Variants in CCR5AS observed in about 807,000 individuals in gnomAD.
The protein encoded by CCR5AS is CCR5 antisense RNA.
intron 2 of CCR5AS, among the ~76,000 whole-genome samples, chr3:46,380,588 G>C (rs1204085781): frequency 6.6e-6 from 1 of 152,158 alleles, no homozygotes; most frequent in South Asian, 2.1e-4. Context: ...TGATGTCGTG[G>C]GTCTGGAGTG....
At chr3:46,376,947 G>A (rs567693221) in intron 2 of CCR5AS, among the ~76,000 whole-genome samples, 2 of 152,286 alleles carry the variant, frequency 1.3e-5, no homozygotes, top group African/African-American at 4.8e-5. Flanking sequence ...GACTAGAAGG[G>A]CAGCTTGTCC....
Position 46,404,249 on chromosome 3 carries a change from T to C in CCR5AS, n.163+2648A>G, listed in dbSNP as rs147902811. 2.8e-3 allele frequency among the ~76,000 whole-genome samples: 422 copies of C among 151,074 alleles called. 3 individuals are homozygous for C. The highest frequency in any genetic ancestry group is 4.4e-3 in the Admixed American group (67 of 15,172). ...AGAATGAGACAATGATCATGAACTA[T>C]TGGACCCAACCATTTGTGGCTTTAG... On this transcript the variant is annotated intron_variant and non_coding_transcript_variant, in intron 1 of 3. Coordinates refer to ENST00000451485, the Ensembl canonical transcript of CCR5AS.
At chr3:46,388,988 G>T (rs775685745) in intron 2 of CCR5AS, among the ~76,000 whole-genome samples, 1 of 152,162 alleles carries the variant, frequency 6.6e-6, no homozygotes, top group African/African-American at 2.4e-5. Flanking sequence ...GTGTAAACTG[G>T]CAGTGTAAAC....
At chr3:46,373,769 C>G (rs149622978) in intron 2 of CCR5AS, 2 of 1,613,582 alleles carry the variant, frequency 1.2e-6, no homozygotes, top group South Asian at 1.1e-5. Flanking sequence ...GGATGACGCA[C>G]TGCTGCATCA....
intron 1 of CCR5AS, among the ~76,000 whole-genome samples, chr3:46,401,757 A>T (rs1702008034): frequency 6.7e-6 from 1 of 149,480 alleles, no homozygotes; most frequent in Admixed American, 6.7e-5. Flanking sequence ...ATTTATTATT[A>T]ATTTAATTAA....
intron 2 of CCR5AS, among the ~76,000 whole-genome samples, chr3:46,390,826 T>C (rs1015929972): frequency 6.6e-6 from 1 of 152,200 alleles, no homozygotes; most frequent in Non-Finnish European, 1.5e-5. Flanking sequence ...GGGGGAGTTT[T>C]AAGCGGTTTA....
chr3:46,387,863 T>C (rs932596303), intron 2 of CCR5AS, among the ~76,000 whole-genome samples: 1 of 152,016 alleles, frequency 6.6e-6, no homozygotes, highest in Non-Finnish European at 1.5e-5. Context: ...AAGGGGGTTG[T>C]CCTCTTGCGG....
Position 46,379,127 on chromosome 3 carries a change from C to G in CCR5AS, n.392-7710G>C, listed in dbSNP as rs181392199. On this transcript the variant is annotated intron_variant and non_coding_transcript_variant, in intron 2 of 3. Transcript: ENST00000451485. ...TGCTGGTGCGCTGCACCCACTAACT[C>G]GTCATCTAGCATTAGGTATATCTCC... 5.1e-3 allele frequency among the ~76,000 whole-genome samples: 757 copies of G among 148,966 alleles called. 7 individuals are homozygous for G. The highest frequency in any genetic ancestry group is 8.5e-3 in the Non-Finnish European group (572 of 67,290).
At chr3:46,405,948 T>A (rs1702042591) in intron 1 of CCR5AS, among the ~76,000 whole-genome samples, 1 of 151,082 alleles carries the variant, frequency 6.6e-6, no homozygotes, top group African/African-American at 2.4e-5. Flanking sequence ...TGATCATGGC[T>A]CACCGCAGCC....
intron 2 of CCR5AS, among the ~76,000 whole-genome samples, chr3:46,387,203 G>T (rs1701869409): frequency 6.6e-6 from 1 of 152,138 alleles, no homozygotes; most frequent in Non-Finnish European, 1.5e-5. Context: ...TCGGATCCTA[G>T]CTTCCAGAAA....
intron 2 of CCR5AS, among the ~76,000 whole-genome samples, chr3:46,372,322 G>C (rs1027435710): frequency 2.0e-5 from 3 of 152,138 alleles, no homozygotes; most frequent in Non-Finnish European, 4.4e-5. Flanking sequence ...CTTGAGCCCA[G>C]GAGTTCGAGA....
At position 46,383,521 on chromosome 3, in the gene CCR5AS, T is replaced by C. The variant is rs183108206; in HGVS notation, n.391+9304A>G. Among the ~76,000 whole-genome samples the C allele has an allele frequency of 2.0e-3, 298 of 152,286 alleles. 3 individuals carry two copies. Among genetic ancestry groups the C allele is most frequent in the Admixed American group, 8.9e-3 (136 of 15,302 alleles). On this transcript the variant is annotated intron_variant and non_coding_transcript_variant, in intron 2 of 3. Coordinates refer to ENST00000451485, the Ensembl canonical transcript of CCR5AS. ...GGCACAGGAAACAAGTAGGATTTCA[T>C]ACCACGCGCCTCAGTCTACTTCCGG...
chr3:46,392,262 C>A (rs1701920110), intron 2 of CCR5AS, among the ~76,000 whole-genome samples: 1 of 152,182 alleles, frequency 6.6e-6, no homozygotes, highest in African/African-American at 2.4e-5. Context: ...GTTTCCCTTG[C>A]CTCCATAACT....
intron 2 of CCR5AS, chr3:46,373,170 G>T (rs1182625490): frequency 6.2e-7 from 1 of 1,614,102 alleles, no homozygotes. Context: ...GGCTCACTAT[G>T]CTGCCGCCCA....
At chr3:46,390,792 T>A (rs906722570) in intron 2 of CCR5AS, among the ~76,000 whole-genome samples, 5 of 152,148 alleles carry the variant, frequency 3.3e-5, no homozygotes, top group African/African-American at 4.8e-5. Context: ...CATAAAAGAA[T>A]GTTGTCCAAG....
intron 1 of CCR5AS, among the ~76,000 whole-genome samples, chr3:46,397,117 C>T (rs1239895943): frequency 6.6e-6 from 1 of 152,174 alleles, no homozygotes; most frequent in African/African-American, 2.4e-5. Context: ...ATCCATGCGC[C>T]CTTGACTGAG....
chr3:46,383,020 A>C (rs1701829017), intron 2 of CCR5AS, among the ~76,000 whole-genome samples: 1 of 152,186 alleles, frequency 6.6e-6, no homozygotes. Flanking sequence ...CCACTTTAAT[A>C]ATTTGCTAAT....
At chr3:46,399,935 A>G (rs925972700) in intron 1 of CCR5AS, among the ~76,000 whole-genome samples, 1 of 152,192 alleles carries the variant, frequency 6.6e-6, no homozygotes, top group Non-Finnish European at 1.5e-5. Flanking sequence ...TCTGGAAGCT[A>G]GTTGAAGATC....
At chr3:46,364,118 C>T (rs777362639), downstream of CCR5AS, among the ~76,000 whole-genome samples, 8 of 152,202 alleles carry the variant, frequency 5.3e-5, no homozygotes, top group Non-Finnish European at 8.8e-5. Context: ...AGTGTCTACA[C>T]GAAACAACAG....
Sources: gnomAD v4.1 joint callset for allele counts (sites outside exome capture counted in the v4.1 genomes callset) on GRCh38, gnomAD v4.1.1 for gene constraint, MANE v1.5 for transcripts, NCBI Gene and HGNC (gene_info 2026-07-23, HGNC 2026-07-21) for gene names.